RBFOX3: variants seen among roughly 807,000 people sequenced by gnomAD.
RBFOX3 encodes the protein RNA binding protein fox-1 homolog 3.
Under a neutral mutation model 48.7 loss-of-function variants are expected in RBFOX3, and 17 were observed. The observed-to-expected ratio is 0.35, with a 90% CI of 0.24 to 0.52. The LOEUF is 0.52. Among genes scored for constraint, RBFOX3 ranks in the 20% least tolerant of loss-of-function variants. The pLI is 0.94. For synonymous variants in RBFOX3, 212 were observed against 209.5 expected (o/e 1.01, Z -0.10); for missense variants, 382 against 497.5 (o/e 0.77, Z 2.21).
intron 1 of RBFOX3, among the ~76,000 whole-genome samples, chr17:79,518,354 C>T (rs1270539089): frequency 7.2e-5 from 11 of 152,214 alleles, no homozygotes. Flanking sequence ...TACAAATGTG[C>T]GAGTGACACT....
chr17:79,629,522 T>C, the RBFOX3 span, among the ~76,000 whole-genome samples: 1 of 152,202 alleles, frequency 6.6e-6, no homozygotes, highest in Non-Finnish European at 1.5e-5. Flanking sequence ...GGAAATGACC[T>C]CTCATTCGCT....
intron 2 of RBFOX3, among the ~76,000 whole-genome samples, chr17:79,376,809 T>C (rs139402834): frequency 6.6e-6 from 1 of 152,248 alleles, no homozygotes; most frequent in Non-Finnish European, 1.5e-5. Flanking sequence ...GTCTCTCCAC[T>C]GTGGAGACAT....
At chr17:79,573,308 G>A (rs927477769) in intron 1 of RBFOX3, among the ~76,000 whole-genome samples, 9 of 152,224 alleles carry the variant, frequency 5.9e-5, no homozygotes, top group African/African-American at 1.4e-4. Flanking sequence ...GCTGGGCATC[G>A]AGACTGGGCT....
chr17:79,203,288 T>C (rs73412102), intron 4 of RBFOX3, among the ~76,000 whole-genome samples: 10,987 of 140,176 alleles, frequency 0.078, 582 homozygotes, highest in East Asian at 0.14. Context: ...AGGTGAAGCA[T>C]CTGGCTATGC....
intron 4 of RBFOX3, among the ~76,000 whole-genome samples, chr17:79,172,173 C>CAAAAAAAAAAAAAA (rs977301314): frequency 3.8e-5 from 2 of 52,480 alleles, no homozygotes; most frequent in Admixed American, 2.2e-4. Context: ...GAGTCCGTCT[C>CAAAAAAAAAAAAAA]AAAAAAAAAA....
At chr17:79,559,759 G>C (rs1179764267) in intron 1 of RBFOX3, among the ~76,000 whole-genome samples, 1 of 148,366 alleles carries the variant, frequency 6.7e-6, no homozygotes, top group Non-Finnish European at 1.5e-5. Flanking sequence ...ATGGATGGAT[G>C]GGTGGATGGT....
rs71161650 is a variant in RBFOX3, at chr17:79,190,414, C to CAA, written c.-34+45350_-34+45351dup. 5.3e-3 allele frequency among the ~76,000 whole-genome samples: 494 copies of CAA among 93,464 alleles called. 8 individuals carry two copies. Among genetic ancestry groups the CAA allele is most frequent in the East Asian group, 0.011 (37 of 3,282 alleles). 61.3% of individuals were successfully genotyped at this position (93,464 alleles called of 152,430 possible). ...CAACAAGAGTAAATCTCTGTCTCAC[C>CAA]AAAAAAAAAAAAAAAAACAAAAAAA... On this transcript the variant is annotated intron_variant, in intron 4 of 14. Transcript: ENST00000693108.
At chr17:79,216,493 A>G (rs57144229) in intron 4 of RBFOX3, among the ~76,000 whole-genome samples, 43,910 of 152,036 alleles carry the variant, frequency 0.29, 6,307 homozygotes, top group East Asian at 0.32. Flanking sequence ...TAGGACCAGC[A>G]TGAGGCCAGG....
chr17:79,305,534 C>T (rs749382909), intron 3 of RBFOX3, among the ~76,000 whole-genome samples: 2 of 152,212 alleles, frequency 1.3e-5, no homozygotes, highest in Non-Finnish European at 2.9e-5. Flanking sequence ...TCTGGACAGA[C>T]CGACATGAAA....
At chr17:79,346,084 C>A (rs781252108) in intron 2 of RBFOX3, among the ~76,000 whole-genome samples, 1 of 152,052 alleles carries the variant, frequency 6.6e-6, no homozygotes, top group Non-Finnish European at 1.5e-5. Flanking sequence ...CCATACCTGG[C>A]TAATTTTTTG....
At chr17:79,550,015 G>T (rs59362393) in intron 1 of RBFOX3, among the ~76,000 whole-genome samples, 2,407 of 152,292 alleles carry the variant, frequency 0.016, 82 homozygotes, top group African/African-American at 0.056. Flanking sequence ...GCACCATCCA[G>T]AGCTCTCACG....
intron 1 of RBFOX3, among the ~76,000 whole-genome samples, chr17:79,595,031 C>T (rs1186068735): frequency 5.3e-5 from 8 of 152,250 alleles, no homozygotes; most frequent in African/African-American, 1.4e-4. Context: ...TGACCAAGAA[C>T]GGAGCCCTGA....
At chr17:79,587,593 C>T (rs1322147015) in intron 1 of RBFOX3, among the ~76,000 whole-genome samples, 1 of 152,226 alleles carries the variant, frequency 6.6e-6, no homozygotes, top group African/African-American at 2.4e-5. Context: ...CCAGGACCCT[C>T]AGCCCCAAGC....
chr17:79,449,314 C>A (rs2073002278), intron 2 of RBFOX3, among the ~76,000 whole-genome samples: 1 of 151,984 alleles, frequency 6.6e-6, no homozygotes, highest in African/African-American at 2.4e-5. Context: ...CCCGTTAACC[C>A]CTTTCTGCCC....
At chr17:79,651,292 T>G in the RBFOX3 span, among the ~76,000 whole-genome samples, 1 of 152,180 alleles carries the variant, frequency 6.6e-6, no homozygotes, top group Non-Finnish European at 1.5e-5. Flanking sequence ...CTCCTGGCCA[T>G]CAGCTCGATG....
intron 1 of RBFOX3, among the ~76,000 whole-genome samples, chr17:79,570,207 G>C (rs943161702): frequency 2.6e-5 from 4 of 150,984 alleles, no homozygotes; most frequent in Non-Finnish European, 5.9e-5. Flanking sequence ...ATAGTAGATG[G>C]ATGGATGGAT....
intron 3 of RBFOX3, among the ~76,000 whole-genome samples, chr17:79,263,739 G>T (rs1041691288): frequency 3.3e-5 from 5 of 152,212 alleles, no homozygotes; most frequent in African/African-American, 9.6e-5. Context: ...GGGGCAGCCA[G>T]CGAATGGCTG....
chr17:79,533,345 C>T (rs1251829599), intron 1 of RBFOX3, among the ~76,000 whole-genome samples: 1 of 152,248 alleles, frequency 6.6e-6, no homozygotes, highest in Non-Finnish European at 1.5e-5. Flanking sequence ...TGCCCATTGG[C>T]TGGCGGCGGC....
rs889280852 is a variant in RBFOX3 at position 79,523,232 on chromosome 17, C to T, written c.-319-40634G>A. On this transcript the variant is annotated intron_variant, in intron 1 of 14. Transcript: ENST00000693108. ...TCTGGAGATGGGTGGTTGGTGGTGA[C>T]AGCTGCACAACAAGGTGAATGCTCT... Among the ~76,000 whole-genome samples, 627 of 152,258 alleles carry T rather than the reference C, an allele frequency of 4.1e-3. 6 individuals are homozygous for T. Among genetic ancestry groups the T allele is most frequent in the African/African-American group, 0.014 (601 of 41,554 alleles).
Sources: allele counts gnomAD v4.1 joint callset (sites outside exome capture counted in the v4.1 genomes callset), GRCh38; gene constraint gnomAD v4.1.1; transcripts MANE v1.5; gene names NCBI Gene and HGNC (gene_info 2026-07-23, HGNC 2026-07-21).